The following ARHGAP25 variants were observed in gnomAD, a reference collection of about 807,000 sequenced individuals.
ARHGAP25 encodes Rho GTPase activating protein 25, also known as rho GTPase-activating protein 25.
In ARHGAP25, 34 loss-of-function variants were observed where a neutral mutation model predicts 71.0. The ratio of observed to expected loss-of-function variants is 0.48; its 90% CI spans 0.36 to 0.64. ARHGAP25 has a LOEUF of 0.64. ARHGAP25 is among the 30% of genes least tolerant of loss of function. ARHGAP25 has a pLI of 0.00. For synonymous variants in ARHGAP25, 282 were observed against 296.5 expected (o/e 0.95, Z 0.50); for missense variants, 706 against 805.1 (o/e 0.88, Z 1.49).
intron 2 of ARHGAP25, 151 bp downstream of exon 2, chr2:68,775,571 T>C: frequency 1.7e-6 from 2 of 1,201,716 alleles, no homozygotes; most frequent in Non-Finnish European, 2.4e-6. Context: ...CACCATTTTC[T>C]AGATACATAA....
intron 2 of ARHGAP25, among the ~76,000 whole-genome samples, chr2:68,776,592 G>C (rs2104378156): frequency 6.6e-6 from 1 of 152,256 alleles, no homozygotes; most frequent in East Asian, 1.9e-4. Flanking sequence ...CTTGGGCCTA[G>C]GTCTCTTCGG....
intron 2 of ARHGAP25, among the ~76,000 whole-genome samples, chr2:68,722,436 G>A (rs913292063): frequency 2.6e-5 from 4 of 152,070 alleles, no homozygotes; most frequent in Non-Finnish European, 5.9e-5. Flanking sequence ...AAATCAGCCA[G>A]GCATGGTGGC....
At chr2:68,715,254 C>T (rs1674580756) in intron 2 of ARHGAP25, among the ~76,000 whole-genome samples, 1 of 152,162 alleles carries the variant, frequency 6.6e-6, no homozygotes. Flanking sequence ...TTCTTGGGCC[C>T]TACCCCAGAC....
intron 4 of ARHGAP25, among the ~76,000 whole-genome samples, chr2:68,793,587 A>G (rs879226729): frequency 1.1e-4 from 17 of 152,092 alleles, no homozygotes; most frequent in African/African-American, 3.9e-4. Flanking sequence ...TTGACTATAA[A>G]TATGTGGCTT....
intron 3 of ARHGAP25, among the ~76,000 whole-genome samples, chr2:68,784,290 G>A (rs1678582503): frequency 2.0e-5 from 3 of 151,802 alleles, no homozygotes; most frequent in Admixed American, 2.0e-4. Context: ...ATCTTCCAAG[G>A]TTCCACCCAA....
At chr2:68,812,871 T>C (rs1354713692) in intron 5 of ARHGAP25, among the ~76,000 whole-genome samples, 1 of 152,218 alleles carries the variant, frequency 6.6e-6, no homozygotes, top group Admixed American at 6.5e-5. Flanking sequence ...AGAACTATTT[T>C]AAGCACTCTG....
intron 1 of ARHGAP25, among the ~76,000 whole-genome samples, chr2:68,765,947 G>T (rs1677097965): frequency 6.6e-6 from 1 of 152,154 alleles, no homozygotes; most frequent in Admixed American, 6.5e-5. Flanking sequence ...CCTCCTCAAG[G>T]GCCAGTGCTT....
chr2:68,741,109 A>G (rs1410701550), intron 1 of ARHGAP25, among the ~76,000 whole-genome samples: 3 of 152,196 alleles, frequency 2.0e-5, no homozygotes. Flanking sequence ...CTCATTTCCA[A>G]CCTCAGATCA....
chr2:68,821,360 A>G (rs1369126644), intron 9 of ARHGAP25, among the ~76,000 whole-genome samples: 1 of 152,106 alleles, frequency 6.6e-6, no homozygotes, highest in East Asian at 1.9e-4. Context: ...TCAGCCTCCC[A>G]AAGTGCTGGG....
upstream of ARHGAP25, among the ~76,000 whole-genome samples, chr2:68,730,667 A>T (rs113123688): frequency 7.8e-3 from 1,162 of 148,822 alleles, 13 homozygotes; most frequent in African/African-American, 0.026. Context: ...AAAAAAAAAA[A>T]AGTTCTCCTC....
chr2:68,799,349 G>A (rs1396099522), intron 4 of ARHGAP25, among the ~76,000 whole-genome samples: 1 of 152,134 alleles, frequency 6.6e-6, no homozygotes, highest in Non-Finnish European at 1.5e-5. Flanking sequence ...TGTCTGATAG[G>A]GTTGCTGCAC....
chr2:68,781,946 G>A (rs1678369604), intron 2 of ARHGAP25, among the ~76,000 whole-genome samples: 1 of 152,174 alleles, frequency 6.6e-6, no homozygotes, highest in Non-Finnish European at 1.5e-5. Flanking sequence ...TGGGTCCTTG[G>A]AAAAGTGGGA....
intron 1 of ARHGAP25, among the ~76,000 whole-genome samples, chr2:68,738,415 A>G (rs1232444167): frequency 1.3e-5 from 2 of 152,144 alleles, no homozygotes; most frequent in Non-Finnish European, 2.9e-5. Context: ...TATATAGCCC[A>G]TGGTGAACTG....
At chr2:68,724,849 G>A (rs1674846551) in intron 2 of ARHGAP25, among the ~76,000 whole-genome samples, 1 of 152,078 alleles carries the variant, frequency 6.6e-6, no homozygotes, top group African/African-American at 2.4e-5. Flanking sequence ...ATTCTGTCAC[G>A]CCTGTCATCC....
In ARHGAP25 at chr2:68,714,538, T is replaced by G. The variant is rs578233842; in HGVS notation, c.-18+3840T>G. Among the ~76,000 whole-genome samples the G allele has an allele frequency of 9.2e-5, 14 of 152,346 alleles. No individual in the cohort carries two copies. In the South Asian group the frequency reaches 2.9e-3, roughly 32 times the overall value. The stretch of plus-strand genomic sequence containing the variant: ...GTCTTCTGCTAGCTTTTGAATGCGT[T>G]TGCTCTTGCTTCTCTAGTTCTTTTA... On this transcript the variant is annotated intron_variant and NMD_transcript_variant, in intron 2 of 7. Transcript: ENST00000463483.
intron 4 of ARHGAP25, among the ~76,000 whole-genome samples, chr2:68,804,290 A>G (rs571987840): frequency 1.1e-4 from 17 of 152,296 alleles, no homozygotes; most frequent in African/African-American, 3.9e-4. Flanking sequence ...TGTTTGTGCT[A>G]TCTTTCCCCA....
chr2:68,746,646 A>G (rs1175433173), intron 1 of ARHGAP25, among the ~76,000 whole-genome samples: 1 of 151,806 alleles, frequency 6.6e-6, no homozygotes, highest in South Asian at 2.1e-4. Context: ...GACTGTGAAA[A>G]ATGGAAATGG....
intron 1 of ARHGAP25, among the ~76,000 whole-genome samples, chr2:68,762,184 A>G (rs780105421): frequency 1.3e-5 from 2 of 152,232 alleles, no homozygotes; most frequent in Non-Finnish European, 2.9e-5. Context: ...AGAGGAGACA[A>G]ATTCATAGAG....
At chr2:68,819,032 C>T (rs17545022) in intron 8 of ARHGAP25, 91 bp from the exon 9 acceptor site, 18 of 1,174,082 alleles carry the variant, frequency 1.5e-5, no homozygotes, top group African/African-American at 3.1e-5. Context: ...GTTTTAGAAC[C>T]GAGTTTGGAG....
Sources: allele counts gnomAD v4.1 joint callset (sites outside exome capture counted in the v4.1 genomes callset), GRCh38; gene constraint gnomAD v4.1.1; transcripts MANE v1.5; gene names NCBI Gene and HGNC (gene_info 2026-07-23, HGNC 2026-07-21).